CTNNA2: variants seen among roughly 807,000 people sequenced by gnomAD.
CTNNA2 encodes the protein catenin alpha 2, also known as catenin alpha-2.
Under a neutral mutation model 101.0 loss-of-function variants are expected in CTNNA2, and 42 were observed. That is an observed-to-expected ratio of 0.42 (90% CI 0.32 to 0.54). CTNNA2 has a LOEUF of 0.54. Ranked by LOEUF, CTNNA2 falls within the 20% of genes least tolerant of loss-of-function variation. The probability of loss-of-function intolerance (pLI) is 0.14; values close to 1 mark genes in which losing one functional copy is unlikely to be tolerated. For missense variants in CTNNA2, 871 were observed against 1,223.1 expected (o/e 0.71, Z 4.29); for synonymous variants, 450 against 456.4 (o/e 0.99, Z 0.18).
chr2:79,551,276 G>A (rs1447682442), intron 1 of CTNNA2, among the ~76,000 whole-genome samples: 3 of 152,122 alleles, frequency 2.0e-5, no homozygotes, highest in Non-Finnish European at 4.4e-5. Flanking sequence ...GTATTTAAAG[G>A]GGAAAGAGAA....
At chr2:79,433,600 A>G (rs1007276635) in intron 4 of CTNNA2, among the ~76,000 whole-genome samples, 2 of 148,352 alleles carry the variant, frequency 1.3e-5, no homozygotes, top group Admixed American at 1.4e-4. Context: ...TTTGCCAAAG[A>G]TGAGCTCACT....
At chr2:79,194,561 G>C (rs1673933538) in intron 1 of CTNNA2, among the ~76,000 whole-genome samples, 1 of 152,190 alleles carries the variant, frequency 6.6e-6, no homozygotes, top group Non-Finnish European at 1.5e-5. Flanking sequence ...AAAATGTTTA[G>C]TTCCCAGAGC....
chr2:79,376,755 G>A lies in CTNNA2; in HGVS notation c.-135+2742G>A, dbSNP rs867888742. Among the ~76,000 whole-genome samples, 31 of 152,096 alleles carry A rather than the reference G, an allele frequency of 2.0e-4. 1 individual carries two copies. The highest frequency in any genetic ancestry group is 3.4e-3 in the Middle Eastern group (1 of 294). The stretch of plus-strand genomic sequence containing the variant: ...GCGGTGTTTGGTTTTTTGTCCTTGC[G>A]ATAGTTTGCTGAGAATGATGGTTTC... On this transcript the variant is annotated intron_variant, in intron 4 of 21. Transcript: ENST00000466387.
At chr2:80,119,807 TG>T (rs1252978156) in intron 7 of CTNNA2, among the ~76,000 whole-genome samples, 1 of 152,196 alleles carries the variant, frequency 6.6e-6, no homozygotes, top group Non-Finnish European at 1.5e-5. Flanking sequence ...GGGAATACTA[TG>T]ATGACACTTC....
At chr2:80,474,125 T>TAGAG (rs1375344834) in intron 9 of CTNNA2, among the ~76,000 whole-genome samples, 4 of 152,182 alleles carry the variant, frequency 2.6e-5, no homozygotes, top group Non-Finnish European at 2.9e-5. Context: ...TTCTTAATGG[T>TAGAG]AGAGACCTAT....
chr2:79,574,824 A>C (rs13421317), intron 1 of CTNNA2, among the ~76,000 whole-genome samples: 1 of 152,180 alleles, frequency 6.6e-6, no homozygotes, highest in Non-Finnish European at 1.5e-5. Context: ...GCTAATTTAC[A>C]TTCCCACCAG....
Position 80,137,949 on chromosome 2 carries a change from T to G in CTNNA2, c.1056+228152T>G, listed in dbSNP as rs1207475305. Among the ~76,000 whole-genome samples the G allele has an allele frequency of 2.6e-5, 4 of 152,278 alleles. No individual in the cohort carries two copies. In the East Asian group the frequency reaches 7.7e-4, roughly 29 times the overall value. On this transcript the variant is annotated intron_variant, in intron 7 of 18. Transcript: ENST00000402739. ...GGCTTCATAAGATGGAAGAATTAGC[T>G]GTTAGAGCTACAGGTCATTCTGGTG...
At chr2:80,467,275 A>T (rs1684938292) in intron 9 of CTNNA2, among the ~76,000 whole-genome samples, 1 of 152,202 alleles carries the variant, frequency 6.6e-6, no homozygotes, top group Admixed American at 6.5e-5. Context: ...AGAGAAAATA[A>T]GAAAGATAAG....
At chr2:80,474,916 G>A (rs1572981059) in intron 9 of CTNNA2, among the ~76,000 whole-genome samples, 1 of 152,098 alleles carries the variant, frequency 6.6e-6, no homozygotes, top group African/African-American at 2.4e-5. Flanking sequence ...GCCATTCATC[G>A]GAAGGTCAAA....
intron 1 of CTNNA2, among the ~76,000 whole-genome samples, chr2:79,564,252 A>C (rs1212768743): frequency 6.6e-6 from 1 of 150,818 alleles, no homozygotes; most frequent in Non-Finnish European, 1.5e-5. Flanking sequence ...TTATTTTAAA[A>C]ATTAATATTT....
chr2:79,949,493 C>T (rs1377848920), intron 7 of CTNNA2, among the ~76,000 whole-genome samples: 1 of 152,068 alleles, frequency 6.6e-6, no homozygotes, highest in African/African-American at 2.4e-5. Flanking sequence ...AGATGCCTGG[C>T]GAAGTGGCTC....
chr2:80,460,339 G>A (rs956290111), intron 9 of CTNNA2, among the ~76,000 whole-genome samples: 1 of 152,008 alleles, frequency 6.6e-6, no homozygotes, highest in Non-Finnish European at 1.5e-5. Flanking sequence ...TATTAAGCAT[G>A]CCTATATCTT....
intron 2 of CTNNA2, among the ~76,000 whole-genome samples, chr2:79,251,119 C>T (rs1209206489): frequency 1.3e-5 from 2 of 152,202 alleles, no homozygotes; most frequent in East Asian, 1.9e-4. Flanking sequence ...TTCAGCTCAG[C>T]TCTGCTCCTC....
At chr2:80,367,120 C>T (rs1172178106) in intron 7 of CTNNA2, among the ~76,000 whole-genome samples, 2 of 151,936 alleles carry the variant, frequency 1.3e-5, no homozygotes, top group African/African-American at 2.4e-5. Context: ...CAGGTTTGCT[C>T]TAAGCAGTTC....
intron 7 of CTNNA2, among the ~76,000 whole-genome samples, chr2:80,074,304 C>T (rs1326677948): frequency 6.6e-6 from 1 of 152,246 alleles, no homozygotes; most frequent in Admixed American, 6.5e-5. Context: ...AAAGAACAGA[C>T]CCCCATCTGG....
chr2:79,536,694 T>TTCTTC (rs1245353168), intron 1 of CTNNA2, among the ~76,000 whole-genome samples: 1 of 149,872 alleles, frequency 6.7e-6, no homozygotes, highest in Non-Finnish European at 1.5e-5. Flanking sequence ...TTTTTTTCTT[T>TTCTTC]TCTTTTCTTT....
intron 3 of CTNNA2, among the ~76,000 whole-genome samples, chr2:79,325,627 C>T (rs1558627065): frequency 6.6e-6 from 1 of 152,288 alleles, no homozygotes; most frequent in African/African-American, 2.4e-5. Context: ...CAATGCTGCC[C>T]AGCACACTCT....
intron 7 of CTNNA2, among the ~76,000 whole-genome samples, chr2:80,010,819 T>C (rs75451296): frequency 0.017 from 2,543 of 152,230 alleles, 80 homozygotes; most frequent in African/African-American, 0.058. Context: ...ATAGTGGGAA[T>C]ACATTTTTGG....
At chr2:79,286,017 T>A (rs1238135958) in intron 2 of CTNNA2, among the ~76,000 whole-genome samples, 1 of 150,570 alleles carries the variant, frequency 6.6e-6, no homozygotes, top group Non-Finnish European at 1.5e-5. Context: ...AATGGCCTTC[T>A]TTGTCTCTTT....
Sources: allele counts gnomAD v4.1 joint callset (sites outside exome capture counted in the v4.1 genomes callset), GRCh38; gene constraint gnomAD v4.1.1; transcripts MANE v1.5; gene names NCBI Gene and HGNC (gene_info 2026-07-23, HGNC 2026-07-21).